Variants in TMED9 observed in about 807,000 individuals in gnomAD.
TMED9 encodes the protein transmembrane p24 trafficking protein 9.
TMED9 carries 22 observed loss-of-function variants against 30.6 expected under a neutral mutation model. That is an observed-to-expected ratio of 0.72 (90% CI 0.51 to 1.03). The LOEUF is 1.03. Ranked by LOEUF, TMED9 falls within the 50% of genes least tolerant of loss-of-function variation. The pLI is 0.00. For missense variants in TMED9, 251 were observed against 302.1 expected (o/e 0.83, Z 1.25); for synonymous variants, 146 against 122.8 (o/e 1.19, Z -1.25).
Position 177,592,689 on chromosome 5 carries a change from C to T in TMED9, c.285+14C>T. 3 of 1,564,616 alleles carry T rather than the reference C, an allele frequency of 1.9e-6. No homozygotes were observed. Among genetic ancestry groups the T allele is most frequent in the South Asian group, 1.2e-5 (1 of 86,914 alleles). On this transcript the variant is annotated intron_variant, in intron 2 of 4. Coordinates refer to ENST00000332598, the MANE Select transcript of TMED9 (RefSeq NM_017510.6). ...CCAGAGGACAAGGTGAGCCAACCGCCCCCCTCCTCTCCGCCAGCCTCTCAG... is the reference window on the plus strand; with the variant it reads ...CCAGAGGACAAGGTGAGCCAACCGCTCCCCTCCTCTCCGCCAGCCTCTCAG...
At position 177,593,720 on chromosome 5, in the gene TMED9, A is replaced by G; in HGVS notation, c.356A>G (p.Gln119Arg). The stretch of plus-strand genomic sequence containing the variant: ...ACTTCCCATACCCCTGGTGAGCACC[A>G]GATCTGTCTTCACTCCAATTCCACC... ...TFTSHTPGEHQICLHSNSTKF... is the reference protein window; with the variant it reads ...TFTSHTPGEHRICLHSNSTKF... The change falls in exon 3 of 5, where the codon CAG (glutamine) becomes CGG (arginine). Residue 119 changes from glutamine to arginine, a missense_variant. Gln to Arg is a conservative substitution (Grantham distance 43). Coordinates refer to ENST00000332598, the MANE Select transcript of TMED9 (RefSeq NM_017510.6). 5.0e-6 allele frequency: 8 copies of G among 1,614,208 alleles called. No homozygotes were observed. Among genetic ancestry groups the G allele is most frequent in the Non-Finnish European group, 6.8e-6 (8 of 1,180,038 alleles).
chr5:177,597,112 G>GAA lies in TMED9; in HGVS notation c.*1705_*1706dup, dbSNP rs60631760. ...ATGCTGCCAACTAATTCTTCCACATGAAAAAAAAAAGTTTTTTGGCGGGCA... is the reference window on the plus strand; with the variant it reads ...ATGCTGCCAACTAATTCTTCCACATGAAAAAAAAAAAAGTTTTTTGGCGGGCA... On this transcript the variant is annotated 3_prime_UTR_variant, in exon 5 of 5. Coordinates refer to ENST00000332598, the MANE Select transcript of TMED9 (RefSeq NM_017510.6). 0.012 allele frequency among the ~76,000 whole-genome samples: 1,872 copies of GAA among 149,844 alleles called. 38 individuals are homozygous for GAA. Among genetic ancestry groups the GAA allele is most frequent in the African/African-American group, 0.04 (1,656 of 40,894 alleles).
chr5:177,595,475 T>G lies in TMED9; in HGVS notation c.*59T>G. 6.5e-7 allele frequency: 1 copy of G among 1,536,712 alleles called. No homozygotes were observed. On this transcript the variant is annotated 3_prime_UTR_variant, in exon 5 of 5. Transcript: ENST00000332598. ...TGGGGGAGAAAGGACCTCCTGGAACTGACTTCTTCTGTCAGGAGGACTGGT... is the reference window on the plus strand; with the variant it reads ...TGGGGGAGAAAGGACCTCCTGGAACGGACTTCTTCTGTCAGGAGGACTGGT...
intron 4 of TMED9, among the ~76,000 whole-genome samples, chr5:177,594,506 G>A (rs1767649508): frequency 6.6e-6 from 1 of 152,218 alleles, no homozygotes; most frequent in Non-Finnish European, 1.5e-5. Context: ...GAATGGCACA[G>A]TAGCATTTGA....
In TMED9 at chr5:177,595,294, A is replaced by G. The variant is rs762737047; in HGVS notation, c.586A>G (p.Ser196Gly). 1.2e-6 allele frequency: 2 copies of G among 1,604,658 alleles called. No individual in the cohort carries two copies. Among genetic ancestry groups the G allele is most frequent in the Non-Finnish European group, 1.7e-6 (2 of 1,173,404 alleles). Residue 196 changes from serine to glycine, a missense_variant, in exon 5 of 5, where the codon AGT (serine) becomes GGT (glycine). Around this residue, in one of 2 missense-constraint regions of TMED9, gnomAD observed 153 missense variants for 239.6 expected, o/e 0.64. Coordinates refer to ENST00000332598, the MANE Select transcript of TMED9 (RefSeq NM_017510.6). ...RWREERFRQT[S>G]ESTNQRVLWW... ...GCGAGAGGAGCGCTTCCGGCAGACC[A>G]GTGAGAGCACCAACCAGCGGGTGCT... is the stretch of plus-strand genomic sequence containing the variant.
In TMED9 at chr5:177,597,158, C is replaced by T. The variant is rs952949678; in HGVS notation, c.*1742C>T. The stretch of plus-strand genomic sequence containing the variant: ...GGGCACGGTGGTTCACACCTGTAAT[C>T]CCAGCACTTTGGGAGGCTGAGGTAG... On this transcript the variant is annotated 3_prime_UTR_variant, in exon 5 of 5. Transcript: ENST00000332598. Among the ~76,000 whole-genome samples the T allele has an allele frequency of 2.0e-5, 3 of 151,830 alleles. No homozygotes were observed. The highest frequency in any genetic ancestry group is 4.4e-5 in the Non-Finnish European group (3 of 67,984).
At position 177,596,529 on chromosome 5, in the gene TMED9, C is replaced by T. The variant is rs766994513; in HGVS notation, c.*1113C>T. 1.3e-5 allele frequency among the ~76,000 whole-genome samples: 2 copies of T among 152,150 alleles called. No individual in the cohort carries two copies. The highest frequency in any genetic ancestry group is 2.9e-5 in the Non-Finnish European group (2 of 68,022). On this transcript the variant is annotated 3_prime_UTR_variant, in exon 5 of 5. Coordinates refer to ENST00000332598, the MANE Select transcript of TMED9 (RefSeq NM_017510.6). ...AACAGCAAGTGATTTCAACCAGGAC[C>T]ATGAAGGAGAGGAAGGATTCTGCTG...
intron 2 of TMED9, 157 bp from the exon 3 acceptor site, chr5:177,593,491 CAT>C (rs1244823184): frequency 3.4e-6 from 3 of 879,952 alleles, no homozygotes; most frequent in African/African-American, 1.7e-5. Context: ...CTCACACAAG[CAT>C]ATGGCAACAG....
rs1365465410 is a variant in TMED9 at position 177,592,793 on chromosome 5, C to A, written c.285+118C>A. On this transcript the variant is annotated intron_variant, in intron 2 of 4. Coordinates refer to ENST00000332598, the MANE Select transcript of TMED9 (RefSeq NM_017510.6). ...GAGACAGTTGATGTTGTGGGAATAT[C>A]CTGCTGACTTGCAGACCCCGCCCGG... 4.0e-6 allele frequency: 3 copies of A among 744,696 alleles called. No homozygotes were observed. The East Asian group carries it at 8.2e-5, about 20-fold the overall frequency. The allele number at this position is 744,696 out of a possible 1,614,324, so 46.1% of individuals were successfully genotyped here.
rs1338881527 is a variant in TMED9, at chr5:177,594,201, A to G, written c.474A>G (p.Lys158=). The change falls in exon 4 of 5, where the codon AAA becomes AAG. Residue 158 remains lysine (K), a synonymous_variant. Coordinates refer to ENST00000332598, the MANE Select transcript of TMED9 (RefSeq NM_017510.6). Reference sequence around the variant, plus strand: ...ATGACTATGCAGAAATTGCTGCTAAAGACAAGTTGAGTGAGTTGCAGCTAC... The same window carrying G: ...ATGACTATGCAGAAATTGCTGCTAAGGACAAGTTGAGTGAGTTGCAGCTAC... The part of the protein sequence containing the change: ...HANDYAEIAA[K]DKLSELQLRV... 1 of 1,614,248 alleles carries G rather than the reference A, an allele frequency of 6.2e-7. No homozygotes were observed. The highest frequency in any genetic ancestry group is 8.5e-7 in the Non-Finnish European group (1 of 1,180,052).
At chr5:177,593,352 C>T (rs1767627347) in intron 2 of TMED9, 1 of 269,480 alleles carries the variant, frequency 3.7e-6, no homozygotes, top group Non-Finnish European at 7.0e-6. Context: ...AAGAACCCCC[C>T]AAAAAACAAC....
rs1767600188 is a variant in TMED9 at position 177,592,319 on chromosome 5, A to C, written c.105A>C (p.Gly35=). Residue 35 remains glycine, a synonymous_variant, in exon 1 of 5, where the codon GGA becomes GGC. Transcript: ENST00000332598. ...LLLVLWLATR[G]SALYFHIGET... is the part of the protein sequence containing the mutation. Reference sequence around the variant, plus strand: ...TGGTGCTGTGGCTGGCGACGCGCGGAAGCGCGCTCTACTTTCACATCGGAG... The same window carrying C: ...TGGTGCTGTGGCTGGCGACGCGCGGCAGCGCGCTCTACTTTCACATCGGAG... 1 of 1,606,034 alleles carries C rather than the reference A, an allele frequency of 6.2e-7. No homozygotes were observed. Among genetic ancestry groups the C allele is most frequent in the Non-Finnish European group, 8.5e-7 (1 of 1,176,600 alleles).
intron 4 of TMED9, among the ~76,000 whole-genome samples, chr5:177,594,687 G>C (rs1767652621): frequency 6.6e-6 from 1 of 152,184 alleles, no homozygotes; most frequent in African/African-American, 2.4e-5. Flanking sequence ...TGTCACCTGG[G>C]GGCTTCCTTG....
intron 3 of TMED9, 113 bp from the exon 4 acceptor site, chr5:177,594,026 A>T (rs1767639201): frequency 9.8e-6 from 14 of 1,421,338 alleles, no homozygotes; most frequent in Admixed American, 1.8e-5. Flanking sequence ...AAGAGGGCCC[A>T]GTCTGTTGGC....
At chr5:177,595,245 C>G in intron 4 of TMED9, 22 bp from the exon 5 acceptor site, 2 of 1,526,606 alleles carry the variant, frequency 1.3e-6, no homozygotes, top group South Asian at 2.4e-5. Flanking sequence ...CCAACTCAGG[C>G]TCACCTTATA....
At chr5:177,592,747 C>T in intron 2 of TMED9, 72 bp downstream of exon 2, 1 of 1,063,766 alleles carries the variant, frequency 9.4e-7, no homozygotes, top group Non-Finnish European at 1.4e-6. Flanking sequence ...TCTTCTAGTT[C>T]CTGCATCTGC....
chr5:177,594,617 CTG>C (rs2127507767), intron 4 of TMED9, among the ~76,000 whole-genome samples: 1 of 152,300 alleles, frequency 6.6e-6, no homozygotes, highest in African/African-American at 2.4e-5. Context: ...ATAAGTGAAT[CTG>C]TGACCTTAAG....
At position 177,592,257 on chromosome 5, in the gene TMED9, G is replaced by A. The variant is rs751980471; in HGVS notation, c.43G>A (p.Gly15Arg). ...CGTGCTGCTCGTCCGGCCCCGGCCC[G>A]GAACCGGGCTGGGTAGAGTGATGCG... ...LGVLLVRPRP[G>R]TGLGRVMRTL... The change falls in exon 1 of 5, where the codon GGA (glycine) becomes AGA (arginine). Residue 15 changes from glycine to arginine, a missense_variant. This residue lies in a region of TMED9 where 98 missense variants were observed against 62.5 expected (regional missense o/e 1.57). Coordinates refer to ENST00000332598, the MANE Select transcript of TMED9 (RefSeq NM_017510.6). The A allele has an allele frequency of 6.9e-5, 111 of 1,611,298 alleles. No homozygotes were observed. The highest frequency in any genetic ancestry group is 8.8e-5 in the Non-Finnish European group (104 of 1,179,050).
chr5:177,595,149 T>C, intron 4 of TMED9, 118 bp from the exon 5 acceptor site: 1 of 1,100,994 alleles, frequency 9.1e-7, no homozygotes, highest in African/African-American at 1.6e-5. Context: ...AGTGACACTT[T>C]GCAGGCACTT....
Sources: allele counts gnomAD v4.1 joint callset (sites outside exome capture counted in the v4.1 genomes callset), GRCh38; gene constraint gnomAD v4.1.1; regional missense constraint gnomAD v4.1.1; transcripts MANE v1.5; gene names NCBI Gene and HGNC (gene_info 2026-07-23, HGNC 2026-07-21).